Variants in PRELID2 observed in about 807,000 individuals in gnomAD.
PRELID2 encodes PRELI domain containing 2.
A neutral mutation model predicts 28.4 loss-of-function variants in PRELID2; 25 were observed. The observed-to-expected ratio is 0.88, with a 90% confidence interval of 0.64 to 1.23. The LOEUF (loss-of-function observed/expected upper bound fraction) is 1.23. Ranked by LOEUF, PRELID2 falls within the 50% of genes most tolerant of loss-of-function variation. The probability of loss-of-function intolerance (pLI) is 0.00; values close to 1 mark genes in which losing one functional copy is unlikely to be tolerated. For missense variants in PRELID2, 201 were observed against 214.4 expected (o/e 0.94, Z 0.39); for synonymous variants, 76 against 71.6 (o/e 1.06, Z -0.31).
At chr5:145,645,361 T>TG (rs1754179383) in intron 1 of PRELID2, among the ~76,000 whole-genome samples, 1 of 144,876 alleles carries the variant, frequency 6.9e-6, no homozygotes, top group African/African-American at 2.6e-5. Context: ...TTTTTTTTTT[T>TG]TTTGGCTTTT....
At chr5:145,303,939 G>A in the PRELID2 span, among the ~76,000 whole-genome samples, 10 of 152,208 alleles carry the variant, frequency 6.6e-5, no homozygotes, top group East Asian at 3.9e-4. Flanking sequence ...TATGCTCAGC[G>A]ACTATTATCA....
intron 1 of PRELID2, among the ~76,000 whole-genome samples, chr5:145,567,065 T>C (rs79018347): frequency 0.039 from 5,873 of 152,238 alleles, 232 homozygotes; most frequent in African/African-American, 0.097. Flanking sequence ...TTTTCATATA[T>C]GATGTTGGAG....
At chr5:145,734,656 G>A (rs1050126560) in intron 1 of PRELID2, among the ~76,000 whole-genome samples, 1 of 152,144 alleles carries the variant, frequency 6.6e-6, no homozygotes, top group Admixed American at 6.6e-5. Flanking sequence ...AATCCAGAAA[G>A]AGACCATTTA....
At chr5:145,569,206 ACAAT>A (rs1162615308) in intron 1 of PRELID2, among the ~76,000 whole-genome samples, 1 of 152,214 alleles carries the variant, frequency 6.6e-6, no homozygotes, top group Non-Finnish European at 1.5e-5. Flanking sequence ...AGAGGGCAAA[ACAAT>A]CAAAGTGTCT....
At chr5:145,679,413 A>G (rs1263969361) in intron 1 of PRELID2, among the ~76,000 whole-genome samples, 3 of 152,198 alleles carry the variant, frequency 2.0e-5, no homozygotes, top group African/African-American at 7.2e-5. Context: ...TCTTTCTAGA[A>G]TATCCCTTGT....
intron 4 of PRELID2, among the ~76,000 whole-genome samples, chr5:145,817,421 T>TTATATA (rs6149278): frequency 0.014 from 1,409 of 103,538 alleles, 40 homozygotes; most frequent in African/African-American, 0.04. Flanking sequence ...TAAGCTAGTT[T>TTATATA]TATATATATA....
rs544621559 is a variant in PRELID2, at chr5:145,719,198, A to G, written n.70+45733T>C. Reference sequence around the variant, plus strand: ...TTGTAGAGAATGTGGGAAGTCCAGGAAAACTGTGGGAAGAGAAAAGGGGGA... The same window carrying G: ...TTGTAGAGAATGTGGGAAGTCCAGGGAAACTGTGGGAAGAGAAAAGGGGGA... On this transcript the variant is annotated intron_variant and non_coding_transcript_variant, in intron 1 of 2. Coordinates refer to the PRELID2 transcript ENST00000510259. Among the ~76,000 whole-genome samples the G allele has an allele frequency of 3.3e-5, 5 of 152,118 alleles. No homozygotes were observed. In the East Asian group the frequency reaches 9.7e-4, roughly 29 times the overall value.
chr5:145,315,369 C>T, the PRELID2 span, among the ~76,000 whole-genome samples: 1 of 152,062 alleles, frequency 6.6e-6, no homozygotes, highest in Non-Finnish European at 1.5e-5. Context: ...CGCCTGGCCT[C>T]TACAATAATT....
chr5:145,816,298 T>C (rs1189350279), intron 4 of PRELID2, among the ~76,000 whole-genome samples: 1 of 151,828 alleles, frequency 6.6e-6, no homozygotes, highest in East Asian at 1.9e-4. Context: ...ACTAGGGTGG[T>C]CTCAAACTCC....
At chr5:145,640,669 AAAAAG>A (rs1468549909) in intron 1 of PRELID2, among the ~76,000 whole-genome samples, 7 of 151,900 alleles carry the variant, frequency 4.6e-5, no homozygotes. Context: ...ATAGAAGAAA[AAAAAG>A]AAAAGAAAAT....
the PRELID2 span, among the ~76,000 whole-genome samples, chr5:145,315,216 C>T: frequency 2.0e-5 from 3 of 151,530 alleles, no homozygotes; most frequent in African/African-American, 4.8e-5. Flanking sequence ...ACTACAGGCA[C>T]GTGCCACCAC....
At chr5:145,307,078 AG>A in the PRELID2 span, among the ~76,000 whole-genome samples, 2 of 152,314 alleles carry the variant, frequency 1.3e-5, no homozygotes, top group East Asian at 3.9e-4. Flanking sequence ...ATTGTCACAT[AG>A]GGCATTAATT....
intron 1 of PRELID2, among the ~76,000 whole-genome samples, chr5:145,542,061 T>G (rs1275668847): frequency 6.6e-6 from 1 of 152,096 alleles, no homozygotes; most frequent in Non-Finnish European, 1.5e-5. Context: ...TTGTAAACAG[T>G]CTGGAAGGAC....
chr5:145,650,933 C>T (rs1057506945), intron 1 of PRELID2, among the ~76,000 whole-genome samples: 29 of 152,062 alleles, frequency 1.9e-4, no homozygotes, highest in African/African-American at 6.0e-4. Context: ...TGCGGCCCAC[C>T]GAGCGTGAGC....
the PRELID2 span, among the ~76,000 whole-genome samples, chr5:145,390,380 G>C: frequency 6.6e-6 from 1 of 152,184 alleles, no homozygotes; most frequent in Non-Finnish European, 1.5e-5. Context: ...GGAGGCCTCA[G>C]AAAACTTAAA....
chr5:145,444,050 A>T, the PRELID2 span, among the ~76,000 whole-genome samples: 1 of 152,064 alleles, frequency 6.6e-6, no homozygotes, highest in Non-Finnish European at 1.5e-5. Context: ...CATCTTACTG[A>T]CGTCAACATT....
chr5:145,558,263 A>G (rs1266752491), intron 1 of PRELID2, among the ~76,000 whole-genome samples: 2 of 152,238 alleles, frequency 1.3e-5, no homozygotes, highest in African/African-American at 4.8e-5. Context: ...TCGATAATTA[A>G]TCAGAAAAGA....
chr5:145,810,728 G>C (rs1427953898), intron 4 of PRELID2, among the ~76,000 whole-genome samples: 1 of 152,050 alleles, frequency 6.6e-6, no homozygotes, highest in Non-Finnish European at 1.5e-5. Flanking sequence ...TGACCACTAT[G>C]GGCTGGCACT....
intron 4 of PRELID2, among the ~76,000 whole-genome samples, chr5:145,813,675 A>G (rs1386740035): frequency 6.6e-6 from 1 of 152,178 alleles, no homozygotes; most frequent in African/African-American, 2.4e-5. Context: ...CACATGAAGG[A>G]TATAGCTTTG....
Sources: gnomAD v4.1 joint callset for allele counts (sites outside exome capture counted in the v4.1 genomes callset) on GRCh38, gnomAD v4.1.1 for gene constraint, MANE v1.5 for transcripts, NCBI Gene and HGNC (gene_info 2026-07-23, HGNC 2026-07-21) for gene names.